Variants in WNT3A observed in about 807,000 individuals in gnomAD.
WNT3A encodes the protein Wnt family member 3A.
In WNT3A, 17 loss-of-function variants were observed where a neutral mutation model predicts 37.0. That is an observed-to-expected ratio of 0.46 (90% CI 0.31 to 0.69). The LOEUF (loss-of-function observed/expected upper bound fraction) is 0.69, where lower values mean the gene tolerates loss of function less well. WNT3A is among the 30% of genes least tolerant of loss of function. The pLI, the probability that WNT3A is intolerant of heterozygous loss-of-function variation, is 0.05. For missense variants in WNT3A, 411 were observed against 510.2 expected, an observed-to-expected ratio of 0.81 and a Z score of 1.87; for synonymous variants, 187 against 211.0, an observed-to-expected ratio of 0.89 and a Z score of 0.99.
chr1:228,022,710 C>A lies in WNT3A; in HGVS notation c.115C>A (p.Pro39Thr). 6.2e-7 allele frequency: 1 copy of A among 1,614,162 alleles called. No homozygotes were observed. The highest frequency in any genetic ancestry group is 8.5e-7 in the Non-Finnish European group (1 of 1,180,042). ...ACAGTATTCCTCCCTGGGCTCGCAGCCCATCCTGTGTGCCAGCATCCCGGG... is the reference window on the plus strand; with the variant it reads ...ACAGTATTCCTCCCTGGGCTCGCAGACCATCCTGTGTGCCAGCATCCCGGG... ...GPQYSSLGSQ[P>T]ILCASIPGLV... Residue 39 changes from proline to threonine, a missense_variant, in exon 2 of 4, where the codon CCC (proline) becomes ACC (threonine). Pro to Thr is a conservative substitution (Grantham distance 38). Coordinates refer to ENST00000284523, the MANE Select transcript of WNT3A (RefSeq NM_033131.4).
Position 228,009,477 on chromosome 1 carries a change from C to T in WNT3A, c.71+2278C>T, listed in dbSNP as rs575140591. Reference sequence around the variant, plus strand: ...CATCTCCTCCTTTCTCCTGCCTCCCCGCATCCACCCCAGATTAAGCATCAC... The same window carrying T: ...CATCTCCTCCTTTCTCCTGCCTCCCTGCATCCACCCCAGATTAAGCATCAC... On this transcript the variant is annotated intron_variant, in intron 1 of 3. Coordinates refer to ENST00000284523, the MANE Select transcript of WNT3A (RefSeq NM_033131.4). Among the ~76,000 whole-genome samples the T allele has an allele frequency of 6.0e-4, 92 of 152,276 alleles. 1 individual carries two copies. Among genetic ancestry groups the T allele is most frequent in the Non-Finnish European group, 1.1e-3 (74 of 68,000 alleles).
Position 228,038,944 on chromosome 1 carries a change from C to G in WNT3A, c.314-11712C>G, listed in dbSNP as rs2031209096. On this transcript the variant is annotated intron_variant, in intron 2 of 3. Coordinates refer to ENST00000284523, the MANE Select transcript of WNT3A (RefSeq NM_033131.4). The surrounding 1 kb of genome is among the most constrained non-coding windows in gnomAD (Gnocchi z 5.7). ...GGGGACAGAGGGCATTTTTTTGTCA[C>G]AGTGGAGGTGAGAACTTCCCGGTGG... Among the ~76,000 whole-genome samples, 1 of 152,068 alleles carries G rather than the reference C, an allele frequency of 6.6e-6. No individual in the cohort carries two copies. Among genetic ancestry groups the G allele is most frequent in the African/African-American group, 2.4e-5 (1 of 41,414 alleles).
In WNT3A at chr1:228,060,524, C is replaced by A. The variant is rs2031782649; in HGVS notation, c.*1059C>A. ...TAGTCCTGGGAGAGGACAGGGACTT[C>A]GCAGAGGCAAGCGACCGAGGCCCTC... On this transcript the variant is annotated 3_prime_UTR_variant, in exon 4 of 4. Transcript: ENST00000284523. 1 of 295,070 alleles carries A rather than the reference C, an allele frequency of 3.4e-6. No individual in the cohort carries two copies. The highest frequency in any genetic ancestry group is 2.2e-5 in the African/African-American group (1 of 45,354). 18.3% of individuals were successfully genotyped at this position (295,070 alleles called of 1,614,324 possible). A position where few individuals can be genotyped will look rare whatever the true frequency, so the allele number is the denominator to read the frequency against.
At chr1:228,058,174 G>A (rs1482679864) in intron 3 of WNT3A, among the ~76,000 whole-genome samples, 1 of 152,198 alleles carries the variant, frequency 6.6e-6, no homozygotes, top group East Asian at 1.9e-4. Context: ...AATGTAGTCA[G>A]TATTAAAATT....
chr1:228,008,038 GC>G lies in WNT3A; in HGVS notation c.71+841del, dbSNP rs1163408794. ...AAGGGTCCCGAAAGGTCTCTCTCAGGCCTCCCACCTCCACTGCACATATCCT... is the reference window on the plus strand; with the variant it reads ...AAGGGTCCCGAAAGGTCTCTCTCAGGCTCCCACCTCCACTGCACATATCCT... On this transcript the variant is annotated intron_variant, in intron 1 of 3. Coordinates refer to ENST00000284523, the MANE Select transcript of WNT3A (RefSeq NM_033131.4). The surrounding 1 kb of genome is among the most constrained non-coding windows in gnomAD (Gnocchi z 4.9). 1.3e-5 allele frequency among the ~76,000 whole-genome samples: 2 copies of G among 152,186 alleles called. No individual in the cohort carries two copies. Among genetic ancestry groups the G allele is most frequent in the African/African-American group, 4.8e-5 (2 of 41,446 alleles).
chr1:228,058,972 C>A lies in WNT3A; in HGVS notation c.580-14C>A. On this transcript the variant is annotated splice_polypyrimidine_tract_variant and intron_variant, in intron 3 of 3. Coordinates refer to ENST00000284523, the MANE Select transcript of WNT3A (RefSeq NM_033131.4). The stretch of plus-strand genomic sequence containing the variant: ...GGGGCCGCCCTGACGCTGGCTCCTG[C>A]GCGTGCCCCGCAGGCCATCGCCAGC... 3 of 1,598,288 alleles carry A rather than the reference C, an allele frequency of 1.9e-6. No homozygotes were observed. Among genetic ancestry groups the A allele is most frequent in the Admixed American group, 1.7e-5 (1 of 58,774 alleles).
In WNT3A at chr1:228,007,423, G is replaced by C. The variant is rs1479043535; in HGVS notation, c.71+224G>C. 3.9e-5 allele frequency among the ~76,000 whole-genome samples: 6 copies of C among 152,142 alleles called. No homozygotes were observed. The highest frequency in any genetic ancestry group is 1.4e-4 in the African/African-American group (6 of 41,446). On this transcript the variant is annotated intron_variant, in intron 1 of 3. Coordinates refer to ENST00000284523, the MANE Select transcript of WNT3A (RefSeq NM_033131.4). The surrounding 1 kb of genome is among the most constrained non-coding windows in gnomAD (Gnocchi z 6.0). ...TCCGGAGACATTGATTCCCGAGCGG[G>C]GGAGTAGGGGAGGTTGCGGAGGTCC... is the stretch of plus-strand genomic sequence containing the variant.
rs2031743608 is a variant in WNT3A at position 228,059,254 on chromosome 1, C to T, written c.848C>T (p.Pro283Leu). ...GAGGCCTCGCCCAACTTCTGCGAGC[C>T]CAACCCTGAGACGGGCTCCTTCGGC... is the stretch of plus-strand genomic sequence containing the variant. ...YYEASPNFCE[P>L]NPETGSFGTR... Residue 283 changes from proline to leucine, a missense_variant, in exon 4 of 4, where the codon CCC becomes CTC. Physicochemically the swap from Pro to Leu is moderately conservative, Grantham distance 98. Coordinates refer to ENST00000284523, the MANE Select transcript of WNT3A (RefSeq NM_033131.4). The T allele has an allele frequency of 1.9e-6, 3 of 1,607,764 alleles. No homozygotes were observed. In the South Asian group the frequency reaches 3.3e-5, roughly 18 times the overall value.
At chr1:228,010,737 G>GCC (rs1281142361) in intron 1 of WNT3A, among the ~76,000 whole-genome samples, 2 of 152,238 alleles carry the variant, frequency 1.3e-5, no homozygotes, top group Non-Finnish European at 2.9e-5. Context: ...CCTTTTGCCT[G>GCC]CCCCTGGCCT....
chr1:228,014,421 G>A (rs567169419), intron 1 of WNT3A, among the ~76,000 whole-genome samples: 13 of 152,312 alleles, frequency 8.5e-5, no homozygotes, highest in Non-Finnish European at 1.3e-4. Flanking sequence ...TGCAAGCACA[G>A]AGCCGTGCCC....
intron 1 of WNT3A, among the ~76,000 whole-genome samples, chr1:228,014,613 C>G (rs2102761491): frequency 6.6e-6 from 1 of 152,370 alleles, no homozygotes; most frequent in East Asian, 1.9e-4. Context: ...CACGCTTTGC[C>G]CTGAGCTTCC....
intron 1 of WNT3A, among the ~76,000 whole-genome samples, chr1:228,015,553 T>C (rs1023772076): frequency 1.3e-5 from 2 of 152,122 alleles, no homozygotes; most frequent in Non-Finnish European, 2.9e-5. Flanking sequence ...GAGGGCAGGC[T>C]GGCCTCAGCC....
rs1037300292 is a variant in WNT3A, at chr1:228,007,949, C to T, written c.71+750C>T. ...AAGCGCTGTGCTGCGCCCTCCACAC[C>T]AGAAAAGGCGCGTTCCGTGAGACCC... On this transcript the variant is annotated intron_variant, in intron 1 of 3. Coordinates refer to ENST00000284523, the MANE Select transcript of WNT3A (RefSeq NM_033131.4). This position sits in a 1 kb window ranked among gnomAD's most constrained non-coding sequence, Gnocchi z 6.0. 6.6e-6 allele frequency among the ~76,000 whole-genome samples: 1 copy of T among 152,198 alleles called. No homozygotes were observed. The highest frequency in any genetic ancestry group is 6.5e-5 in the Admixed American group (1 of 15,286).
At chr1:228,035,354 C>T (rs892062840) in intron 2 of WNT3A, among the ~76,000 whole-genome samples, 2 of 152,208 alleles carry the variant, frequency 1.3e-5, no homozygotes, top group South Asian at 2.1e-4. Flanking sequence ...GGCAGCCTGG[C>T]TCCAAAGTCC....
chr1:228,034,643 G>A (rs191240692), intron 2 of WNT3A, among the ~76,000 whole-genome samples: 3 of 152,192 alleles, frequency 2.0e-5, no homozygotes, highest in African/African-American at 7.2e-5. Context: ...GATAAAAATG[G>A]GAGCACTTAG....
intron 1 of WNT3A, among the ~76,000 whole-genome samples, chr1:228,017,106 T>C (rs2030555947): frequency 6.6e-6 from 1 of 152,148 alleles, no homozygotes; most frequent in Non-Finnish European, 1.5e-5. Flanking sequence ...CCTGTTCTGC[T>C]GTATTAGCCG....
intron 2 of WNT3A, among the ~76,000 whole-genome samples, chr1:228,040,148 T>C (rs772559137): frequency 2.6e-5 from 4 of 152,198 alleles, no homozygotes; most frequent in Admixed American, 2.6e-4. Flanking sequence ...GGAACACCCA[T>C]TGGAGCTGCA....
At chr1:228,021,806 G>A (rs906163520) in intron 1 of WNT3A, among the ~76,000 whole-genome samples, 39 of 152,310 alleles carry the variant, frequency 2.6e-4, no homozygotes, top group African/African-American at 8.9e-4. Flanking sequence ...CCAAAGCCAA[G>A]GGCATCCCTT....
intron 1 of WNT3A, among the ~76,000 whole-genome samples, chr1:228,020,628 C>T (rs1323239525): frequency 1.3e-5 from 2 of 152,224 alleles, no homozygotes; most frequent in South Asian, 2.1e-4. Flanking sequence ...ATCAGCACTT[C>T]CTGGAAGTGC....
Sources: gnomAD v4.1 joint callset for allele counts (sites outside exome capture counted in the v4.1 genomes callset) on GRCh38, gnomAD v4.1.1 for gene constraint, Gnocchi (gnomAD v3.1) non-coding constraint, MANE v1.5 for transcripts, NCBI Gene and HGNC (gene_info 2026-07-23, HGNC 2026-07-21) for gene names.